NKAIN2: variants seen among roughly 807,000 people sequenced by gnomAD.
The protein encoded by NKAIN2 is sodium/potassium transporting ATPase interacting 2.
In NKAIN2, 14 loss-of-function variants were observed where a neutral mutation model predicts 32.6. That is an observed-to-expected ratio of 0.43 (90% confidence interval 0.28 to 0.67). The LOEUF (loss-of-function observed/expected upper bound fraction) is 0.67. NKAIN2 is among the 30% of genes least tolerant of loss of function. The pLI is 0.17. For synonymous variants in NKAIN2, 80 were observed against 87.2 expected (o/e 0.92, Z 0.46); for missense variants, 198 against 258.3 (o/e 0.77, Z 1.60).
chr6:123,893,702 A>G (rs938965727), intron 1 of NKAIN2, among the ~76,000 whole-genome samples: 1 of 152,238 alleles, frequency 6.6e-6, no homozygotes, highest in African/African-American at 2.4e-5. Context: ...ATTTATTTAA[A>G]TATTCAAATA....
chr6:124,357,028 A>G (rs547971923), intron 3 of NKAIN2, among the ~76,000 whole-genome samples: 1 of 152,272 alleles, frequency 6.6e-6, no homozygotes, highest in East Asian at 1.9e-4. Flanking sequence ...GCAGGCACAG[A>G]ATAAAGCTGG....
intron 1 of NKAIN2, among the ~76,000 whole-genome samples, chr6:124,167,420 T>G (rs2114482663): frequency 6.6e-6 from 1 of 152,290 alleles, no homozygotes; most frequent in African/African-American, 2.4e-5. Flanking sequence ...GATTTTGGGC[T>G]GAGACAATGG....
intron 3 of NKAIN2, among the ~76,000 whole-genome samples, chr6:124,464,191 T>C (rs1471649535): frequency 2.0e-5 from 3 of 152,082 alleles, no homozygotes; most frequent in African/African-American, 7.2e-5. Context: ...TTTTGTCACA[T>C]TGGCCAGAGT....
chr6:123,959,854 G>A (rs938836137), intron 1 of NKAIN2, among the ~76,000 whole-genome samples: 3 of 150,854 alleles, frequency 2.0e-5, no homozygotes, highest in Admixed American at 2.0e-4. Context: ...ACTTTTTTTC[G>A]GGGATTATCA....
intron 4 of NKAIN2, among the ~76,000 whole-genome samples, chr6:124,691,368 CT>C (rs1774248576): frequency 6.6e-6 from 1 of 152,196 alleles, no homozygotes; most frequent in Admixed American, 6.5e-5. Flanking sequence ...GCAGAAAATA[CT>C]GCTGCCAAAA....
rs756019322 is a variant in NKAIN2, at chr6:124,305,439, G to C, written c.192+22297G>C. ...TACTGGATTTAGAGTGTTTGAAAAG[G>C]ATATATGTTGTTGATAATTCTGATT... On this transcript the variant is annotated intron_variant, in intron 2 of 6. Coordinates refer to ENST00000368417, the MANE Select transcript of NKAIN2 (RefSeq NM_001040214.3). Among the ~76,000 whole-genome samples the C allele has an allele frequency of 4.6e-5, 7 of 152,300 alleles. No individual in the cohort carries two copies. In the South Asian group the frequency reaches 1.2e-3, roughly 27 times the overall value.
chr6:124,410,261 C>T (rs1444713926), intron 3 of NKAIN2, among the ~76,000 whole-genome samples: 1 of 151,986 alleles, frequency 6.6e-6, no homozygotes, highest in Non-Finnish European at 1.5e-5. Flanking sequence ...GCTCTTGCTT[C>T]TCTAGTTCTT....
chr6:124,818,427 G>A lies in NKAIN2; in HGVS notation c.576G>A (p.Gly192=). 1 of 1,605,304 alleles carries A rather than the reference G, an allele frequency of 6.2e-7. No individual in the cohort carries two copies. The highest frequency in any genetic ancestry group is 8.5e-7 in the Non-Finnish European group (1 of 1,172,710). ...IGGFDSYGYQ[G]PQKTSHLQLQ... is the part of the protein sequence containing the mutation. ...GCTTTGACTCTTATGGCTATCAAGG[G>A]CCTCAGAAGACATCTCATTTACAAC... Residue 192 remains glycine, a synonymous_variant, in exon 6 of 7, where the codon GGG becomes GGA. Coordinates refer to ENST00000368417, the MANE Select transcript of NKAIN2 (RefSeq NM_001040214.3).
intron 2 of NKAIN2, among the ~76,000 whole-genome samples, chr6:124,291,766 T>C (rs1211354688): frequency 6.6e-6 from 1 of 152,078 alleles, no homozygotes; most frequent in African/African-American, 2.4e-5. Flanking sequence ...CCCTTAACTT[T>C]TCTCCACCTC....
intron 3 of NKAIN2, among the ~76,000 whole-genome samples, chr6:124,507,036 C>T (rs977139793): frequency 2.0e-5 from 3 of 152,152 alleles, no homozygotes; most frequent in Non-Finnish European, 4.4e-5. Context: ...TTAGTGACAT[C>T]CCTCTCCTAT....
At chr6:124,020,912 CAG>C (rs1780832465) in intron 1 of NKAIN2, among the ~76,000 whole-genome samples, 1 of 151,952 alleles carries the variant, frequency 6.6e-6, no homozygotes, top group Non-Finnish European at 1.5e-5. Flanking sequence ...AATGAAGAAA[CAG>C]AAATAGTTTT....
At chr6:124,000,611 G>A (rs928027841) in intron 1 of NKAIN2, among the ~76,000 whole-genome samples, 6 of 151,646 alleles carry the variant, frequency 4.0e-5, no homozygotes, top group Admixed American at 1.3e-4. Flanking sequence ...TTCCCTATAC[G>A]TCTAGAAACC....
chr6:124,319,284 A>G (rs1320871997), intron 2 of NKAIN2, among the ~76,000 whole-genome samples: 4 of 152,144 alleles, frequency 2.6e-5, no homozygotes, highest in African/African-American at 7.2e-5. Context: ...ATAGTAGCCC[A>G]TTATTTTAGC....
At chr6:124,029,217 A>G (rs1781296210) in intron 1 of NKAIN2, among the ~76,000 whole-genome samples, 1 of 151,922 alleles carries the variant, frequency 6.6e-6, no homozygotes, top group African/African-American at 2.4e-5. Flanking sequence ...ATGTCTGTCT[A>G]TTGTGACGGA....
At chr6:124,421,352 T>C (rs1224444827) in intron 3 of NKAIN2, among the ~76,000 whole-genome samples, 1 of 152,148 alleles carries the variant, frequency 6.6e-6, no homozygotes, top group East Asian at 1.9e-4. Flanking sequence ...AACCTCCAAG[T>C]AAGGAATTAG....
At chr6:123,885,294 A>G (rs983722748) in intron 1 of NKAIN2, among the ~76,000 whole-genome samples, 3 of 152,142 alleles carry the variant, frequency 2.0e-5, no homozygotes, top group Non-Finnish European at 4.4e-5. Context: ...ATGGCTTTGT[A>G]TAAAATTTGC....
At chr6:124,098,305 G>GT (rs754183510) in intron 1 of NKAIN2, among the ~76,000 whole-genome samples, 6 of 152,104 alleles carry the variant, frequency 3.9e-5, no homozygotes, top group Admixed American at 6.5e-5. Flanking sequence ...GCTCTTTGAG[G>GT]ACAGGGATCA....
chr6:124,658,445 C>A (rs564366048), intron 4 of NKAIN2, 59 bp downstream of exon 4: 28 of 1,612,502 alleles, frequency 1.7e-5, no homozygotes, highest in Admixed American at 6.7e-5. Flanking sequence ...TATTTCTGTG[C>A]GAACTCAGTG....
At chr6:123,827,445 A>T (rs1010201984) in intron 1 of NKAIN2, among the ~76,000 whole-genome samples, 2 of 152,156 alleles carry the variant, frequency 1.3e-5, no homozygotes, top group African/African-American at 4.8e-5. Flanking sequence ...CACATGAAAA[A>T]ATTGAAAACA....
Sources: allele counts gnomAD v4.1 joint callset (sites outside exome capture counted in the v4.1 genomes callset), GRCh38; gene constraint gnomAD v4.1.1; transcripts MANE v1.5; gene names NCBI Gene and HGNC (gene_info 2026-07-23, HGNC 2026-07-21).